Variants in PCF11 observed in about 807,000 individuals in gnomAD.
PCF11 encodes PCF11 cleavage and polyadenylation factor subunit.
In PCF11, 19 loss-of-function variants were observed where a neutral mutation model predicts 166.1. The observed-to-expected ratio is 0.11, with a 90% CI of 0.08 to 0.17. The LOEUF is 0.17. PCF11 is among the 10% of genes least tolerant of loss of function. PCF11 has a pLI of 1.00. For missense variants in PCF11, 1,565 were observed against 1,855.5 expected (o/e 0.84, Z 2.88); for synonymous variants, 663 against 644.1 (o/e 1.03, Z -0.44).
chr11:83,175,432 C>G (rs961798246), intron 9 of PCF11, among the ~76,000 whole-genome samples: 1 of 150,992 alleles, frequency 6.6e-6, no homozygotes, highest in Admixed American at 6.6e-5. Flanking sequence ...TGCACCTGGC[C>G]TAAAATATTG....
chr11:83,158,666 G>C (rs1399508532), intron 1 of PCF11: 1 of 152,154 alleles, frequency 6.6e-6, no homozygotes, highest in Non-Finnish European at 1.5e-5. Flanking sequence ...TCACGGTTTA[G>C]TTTTTTCTAG....
intron 2 of PCF11, among the ~76,000 whole-genome samples, 183 bp from the exon 3 acceptor site, chr11:83,163,496 G>C (rs905184770): frequency 1.1e-4 from 17 of 151,814 alleles, no homozygotes; most frequent in Admixed American, 8.5e-4. Flanking sequence ...AGGTGAAAAT[G>C]GTTTTAATTA....
intron 8 of PCF11, 29 bp from the exon 9 acceptor site, chr11:83,171,788 AT>A (rs1860699881): frequency 3.6e-6 from 4 of 1,103,826 alleles, no homozygotes; most frequent in Non-Finnish European, 5.6e-6. Context: ...TATAGAAAGC[AT>A]GTTCTTAAAA....
At chr11:83,171,136 G>A (rs758591482) in intron 8 of PCF11, 1 of 331,778 alleles carries the variant, frequency 3.0e-6, no homozygotes, top group Non-Finnish European at 5.9e-6. Flanking sequence ...CCTCTGGACT[G>A]CAAATGCTGT....
intron 2 of PCF11, 119 bp from the exon 3 acceptor site, chr11:83,163,560 C>T (rs1489839403): frequency 2.5e-6 from 1 of 395,676 alleles, no homozygotes; most frequent in East Asian, 3.9e-5. Flanking sequence ...GTTGTATATA[C>T]TTACCAATGG....
exon 13 of PCF11, chr11:83,181,991 A>G: frequency 6.2e-7 from 1 of 1,611,002 alleles, no homozygotes; most frequent in East Asian, 2.2e-5. Flanking sequence ...TACCTGCTGG[A>G]CCAGCTGGAG....
At chr11:83,161,148 CAACT>C (rs1310668492) in intron 1 of PCF11, among the ~76,000 whole-genome samples, 175 bp from the exon 2 acceptor site, 1 of 152,084 alleles carries the variant, frequency 6.6e-6, no homozygotes, top group Non-Finnish European at 1.5e-5. Context: ...TTTTTGTGCT[CAACT>C]AAGGATTGTG....
intron 1 of PCF11, chr11:83,157,857 A>C (rs763266787): frequency 1.1e-5 from 6 of 561,758 alleles, no homozygotes; most frequent in Non-Finnish European, 1.9e-5. Flanking sequence ...CCGCTTTCCA[A>C]CTCCCTTTTT....
exon 8 of PCF11, chr11:83,168,651 A>T: frequency 6.2e-7 from 1 of 1,613,932 alleles, no homozygotes; most frequent in Non-Finnish European, 8.5e-7. Flanking sequence ...TTTTTGAAGG[A>T]CCCAATAAAT....
exon 3 of PCF11, chr11:83,163,810 A>T: frequency 6.3e-7 from 1 of 1,591,808 alleles, no homozygotes; most frequent in Non-Finnish European, 8.6e-7. Flanking sequence ...TTAAACCTCT[A>T]CCCCCCAATG....
At position 83,167,042 on chromosome 11, in the gene PCF11, C is replaced by A; in HGVS notation, c.1818-83C>A. The A allele has an allele frequency of 8.9e-7, 1 of 1,119,324 alleles. No individual in the cohort carries two copies. Among genetic ancestry groups the A allele is most frequent in the Non-Finnish European group, 1.3e-6 (1 of 774,060 alleles). The allele number at this position is 1,119,324 out of a possible 1,614,324, so 69.3% of individuals were successfully genotyped here. On this transcript the variant is annotated intron_variant, in intron 5 of 15. Coordinates refer to ENST00000298281, the Ensembl canonical transcript of PCF11. This position sits in a 1 kb window ranked among gnomAD's most constrained non-coding sequence, Gnocchi z 4.2. ...TTACATATGCCCATTTTAACCATAT[C>A]CTTTGAAAAGAATCTTTAAATATGG...
chr11:83,183,193 G>T, intron 15 of PCF11, 120 bp downstream of exon 15: 1 of 578,194 alleles, frequency 1.7e-6, no homozygotes, highest in Admixed American at 3.9e-5. Context: ...AACTGTTTTT[G>T]TTTTTTGATA....
At chr11:83,183,918 G>A (rs1305295193) in intron 15 of PCF11, among the ~76,000 whole-genome samples, 6 of 151,688 alleles carry the variant, frequency 4.0e-5, no homozygotes, top group African/African-American at 1.5e-4. Flanking sequence ...TTGGGAGGCC[G>A]AGGCGAGTGG....
At chr11:83,159,934 G>C (rs1403247682) in intron 1 of PCF11, among the ~76,000 whole-genome samples, 1 of 152,178 alleles carries the variant, frequency 6.6e-6, no homozygotes, top group Non-Finnish European at 1.5e-5. Flanking sequence ...AAGAGAGCCT[G>C]TTTATCTTCA....
At chr11:83,169,874 A>G in exon 8 of PCF11, 2 of 1,613,498 alleles carry the variant, frequency 1.2e-6, no homozygotes, top group Middle Eastern at 1.6e-4. Context: ...AGTTTCTCTA[A>G]TCCACTTAAC....
intron 11 of PCF11, 128 bp downstream of exon 11, chr11:83,177,947 C>CT (rs35271382): frequency 0.34 from 102,249 of 300,522 alleles, 12,299 homozygotes; most frequent in African/African-American, 0.48. Context: ...TTTAGGAAGT[C>CT]TTTTTTTTTT....
intron 11 of PCF11, 132 bp from the exon 12 acceptor site, chr11:83,180,876 G>A (rs1861063284): frequency 1.9e-6 from 1 of 526,430 alleles, no homozygotes. Flanking sequence ...CTGATCTTTG[G>A]GTATTAACTG....
intron 14 of PCF11, 26 bp downstream of exon 14, chr11:83,182,517 G>T (rs779276909): frequency 2.7e-6 from 3 of 1,116,602 alleles, no homozygotes; most frequent in African/African-American, 3.1e-5. Context: ...TTATAAGGAA[G>T]TGTTAAGATT....
exon 8 of PCF11, chr11:83,168,808 C>T: frequency 1.2e-6 from 2 of 1,613,748 alleles, no homozygotes; most frequent in Non-Finnish European, 1.7e-6. Flanking sequence ...TGAAGGTCCT[C>T]CAGGACCAGT....
Sources: allele counts gnomAD v4.1 joint callset (sites outside exome capture counted in the v4.1 genomes callset), GRCh38; gene constraint gnomAD v4.1.1; non-coding constraint Gnocchi (gnomAD v3.1); transcripts MANE v1.5; gene names NCBI Gene and HGNC (gene_info 2026-07-23, HGNC 2026-07-21).